Variants in KDM4F observed in about 807,000 individuals in gnomAD.
The protein encoded by KDM4F is probable lysine-specific demethylase 4F.
For synonymous variants in KDM4F, 223 were observed against 184.4 expected, an observed-to-expected ratio of 1.21 and a Z score of -1.70; for missense variants, 586 against 496.4, an observed-to-expected ratio of 1.18 and a Z score of -1.71.
At chr11:95,049,466 C>T in exon 1 of KDM4F, 2 of 1,523,684 alleles carry the variant, frequency 1.3e-6, no homozygotes, top group South Asian at 2.4e-5. Context: ...GTCATACCAT[C>T]ATGACGTTTT....
At chr11:95,050,215 C>T in exon 1 of KDM4F, 1 of 1,559,956 alleles carries the variant, frequency 6.4e-7, no homozygotes. Flanking sequence ...ACTCAGGAGG[C>T]TGGGGAGTTC....
exon 1 of KDM4F, chr11:95,050,538 C>A: frequency 1.4e-6 from 1 of 697,924 alleles, no homozygotes; most frequent in Non-Finnish European, 2.6e-6. Context: ...GGGCCTGAGG[C>A]ATCTCCGGAA....
At position 95,050,001 on chromosome 11, in the gene KDM4F, G is replaced by C. The variant is rs1858494972; in HGVS notation, c.580G>C (p.Asp194His). The C allele has an allele frequency of 7.4e-6, 12 of 1,614,044 alleles. No homozygotes were observed. The South Asian group carries it at 8.8e-5, about 12-fold the overall frequency. ...GTTTGCTTGGCACACGGAGGACATG[G>C]ACCTTTACAGCATCAACTACCTGCA... Residue 194 changes from aspartate (D) to histidine (H), a missense_variant, in exon 1 of 1, where the codon GAC becomes CAC. Transcript: ENST00000545950.
At chr11:95,049,938 A>C in exon 1 of KDM4F, 1 of 1,613,932 alleles carries the variant, frequency 6.2e-7, no homozygotes, top group Non-Finnish European at 8.5e-7. Context: ...CGAGGGTGTC[A>C]ACACACCCTA....
chr11:95,050,438 G>C, exon 1 of KDM4F: 4 of 804,824 alleles, frequency 5.0e-6, no homozygotes, highest in Non-Finnish European at 8.6e-6. Context: ...GGCAAGACTT[G>C]ACTGTTGTGG....
exon 1 of KDM4F, chr11:95,051,067 G>C: frequency 2.4e-6 from 1 of 412,624 alleles, no homozygotes; most frequent in Non-Finnish European, 4.2e-6. Context: ...ACTCCTCCCA[G>C]TGTCACTGTG....
exon 1 of KDM4F, chr11:95,049,654 G>T (rs908209931): frequency 2.5e-6 from 4 of 1,599,562 alleles, no homozygotes; most frequent in Non-Finnish European, 3.4e-6. Context: ...GTGACCTCTG[G>T]GCAGGGAGGT....
chr11:95,050,301 A>G, exon 1 of KDM4F: 3 of 1,390,912 alleles, frequency 2.2e-6, no homozygotes, highest in Admixed American at 3.4e-5. Flanking sequence ...CAACTTTGCC[A>G]CTCCACGATG....
exon 1 of KDM4F, chr11:95,049,704 G>C (rs537110462): frequency 6.2e-7 from 1 of 1,604,476 alleles, no homozygotes; most frequent in African/African-American, 1.3e-5. Context: ...AGCCATGAGG[G>C]TGGGGCAGTA....
At chr11:95,050,239 C>T in exon 1 of KDM4F, 6 of 1,547,578 alleles carry the variant, frequency 3.9e-6, no homozygotes, top group Non-Finnish European at 5.4e-6. Flanking sequence ...GTGACTTTTC[C>T]CTATGGCTAC....
exon 1 of KDM4F, chr11:95,049,734 A>G (rs1363477376): frequency 3.7e-6 from 6 of 1,605,388 alleles, no homozygotes; most frequent in Non-Finnish European, 5.1e-6. Flanking sequence ...GGCAAACAGT[A>G]AAAAATATCA....
At chr11:95,050,694 G>A in exon 1 of KDM4F, 1 of 627,354 alleles carries the variant, frequency 1.6e-6, no homozygotes, top group Non-Finnish European at 2.8e-6. Flanking sequence ...TGGAAGGTGG[G>A]GTCCTTGTCG....
chr11:95,050,187 A>T (rs576430479), exon 1 of KDM4F: 1 of 1,546,580 alleles, frequency 6.5e-7, no homozygotes, highest in African/African-American at 1.4e-5. Context: ...AAAGAATGGG[A>T]TCCCCTTCAA....
At chr11:95,051,287 G>T in exon 1 of KDM4F, 1 of 398,692 alleles carries the variant, frequency 2.5e-6, no homozygotes, top group South Asian at 1.3e-4. Context: ...TCCAATGCAT[G>T]ATCAATCCTC....
exon 1 of KDM4F, chr11:95,050,402 C>T (rs1555105406): frequency 5.6e-6 from 5 of 888,258 alleles, no homozygotes; most frequent in South Asian, 2.7e-5. Flanking sequence ...TCCTGCAACC[C>T]GAGAGCTATG....
chr11:95,050,501 G>A (rs1858500507), exon 1 of KDM4F: 19 of 717,714 alleles, frequency 2.6e-5, no homozygotes, highest in Non-Finnish European at 4.0e-5. Flanking sequence ...ACTGGAGGGA[G>A]GACATAGCAC....
exon 1 of KDM4F, chr11:95,050,130 G>A (rs1555105378): frequency 3.2e-6 from 5 of 1,556,752 alleles, no homozygotes; most frequent in Non-Finnish European, 4.4e-6. Context: ...GGGCTGTGAG[G>A]GCTTCCTGCG....
At chr11:95,050,129 G>A (rs1467177196) in exon 1 of KDM4F, 5 of 1,561,830 alleles carry the variant, frequency 3.2e-6, no homozygotes, top group Non-Finnish European at 4.4e-6. Flanking sequence ...GGGGCTGTGA[G>A]GGCTTCCTGC....
chr11:95,049,714 A>G (rs1858491607), exon 1 of KDM4F: 1 of 1,605,380 alleles, frequency 6.2e-7, no homozygotes, highest in South Asian at 1.1e-5. Flanking sequence ...GTGGGGCAGT[A>G]TCGCCACTTG....
Sources: gnomAD v4.1 joint callset for allele counts on GRCh38, gnomAD v4.1.1 for gene constraint, MANE v1.5 for transcripts, NCBI Gene and HGNC (gene_info 2026-07-23, HGNC 2026-07-21) for gene names.